CDH13: variants seen among roughly 807,000 people sequenced by gnomAD.
CDH13 encodes the protein cadherin-13.
CDH13 carries 24 observed loss-of-function variants against 63.8 expected under a neutral mutation model. The observed-to-expected ratio is 0.38, with a 90% CI of 0.27 to 0.53. The LOEUF is 0.53. CDH13 is among the 20% of genes least tolerant of loss of function. The probability of loss-of-function intolerance (pLI) is 0.85; values close to 1 mark genes in which losing one functional copy is unlikely to be tolerated. For missense variants in CDH13, 1,049 were observed against 903.1 expected (o/e 1.16, Z -2.07); for synonymous variants, 503 against 355.3 (o/e 1.42, Z -4.67).
intron 4 of CDH13, among the ~76,000 whole-genome samples, chr16:83,153,734 C>A (rs373847016): frequency 2.0e-5 from 3 of 152,124 alleles, no homozygotes; most frequent in East Asian, 1.9e-4. Context: ...AGGAACCAAC[C>A]CTGGCATTAC....
chr16:83,686,899 A>G (rs1904356974), intron 10 of CDH13, among the ~76,000 whole-genome samples: 1 of 152,064 alleles, frequency 6.6e-6, no homozygotes, highest in Admixed American at 6.5e-5. Flanking sequence ...GCATGCACAC[A>G]TTTTTCTGCA....
chr16:82,815,014 T>C (rs1048618514), intron 1 of CDH13, among the ~76,000 whole-genome samples: 1 of 152,180 alleles, frequency 6.6e-6, no homozygotes, highest in Admixed American at 6.5e-5. Context: ...CATTTTGTTT[T>C]TTTTTCTATC....
At chr16:83,153,682 T>C (rs1403102754) in intron 4 of CDH13, among the ~76,000 whole-genome samples, 1 of 152,180 alleles carries the variant, frequency 6.6e-6, no homozygotes, top group African/African-American at 2.4e-5. Context: ...GTTTCAATCC[T>C]ATAAGACCAA....
At chr16:83,688,068 A>T (rs529559919) in intron 10 of CDH13, among the ~76,000 whole-genome samples, 53 of 152,340 alleles carry the variant, frequency 3.5e-4, no homozygotes, top group African/African-American at 1.3e-3. Flanking sequence ...ATGATATTTC[A>T]GCCCCAAAAG....
At chr16:83,267,771 T>A (rs1328290958) in intron 5 of CDH13, among the ~76,000 whole-genome samples, 1 of 152,106 alleles carries the variant, frequency 6.6e-6, no homozygotes, top group Non-Finnish European at 1.5e-5. Context: ...GCCAAATAAT[T>A]TTTTTTCATT....
intron 1 of CDH13, among the ~76,000 whole-genome samples, chr16:82,670,447 A>C (rs556065853): frequency 2.1e-4 from 32 of 152,356 alleles, no homozygotes; most frequent in African/African-American, 7.7e-4. Flanking sequence ...ATCAAAAGCT[A>C]CAGCAATTCT....
At chr16:83,615,485 T>C (rs1428007886) in intron 8 of CDH13, among the ~76,000 whole-genome samples, 3 of 152,182 alleles carry the variant, frequency 2.0e-5, no homozygotes, top group African/African-American at 7.2e-5. Flanking sequence ...TGAGGCTTTT[T>C]ATAGCTATTA....
intron 1 of CDH13, among the ~76,000 whole-genome samples, chr16:82,637,428 C>CTTTTTTGTTT (rs1908793412): frequency 1.2e-5 from 1 of 81,654 alleles, no homozygotes; most frequent in Non-Finnish European, 2.2e-5. Context: ...GTTACTGTGC[C>CTTTTTTGTTT]TTTTTTTTTT....
chr16:82,777,481 G>A (rs1486311752), intron 1 of CDH13, among the ~76,000 whole-genome samples: 3 of 152,168 alleles, frequency 2.0e-5, no homozygotes, highest in Non-Finnish European at 4.4e-5. Context: ...GTGCCCCTGG[G>A]TGGGCCTGAG....
intron 1 of CDH13, among the ~76,000 whole-genome samples, chr16:82,792,923 T>C (rs2036391966): frequency 7.3e-6 from 1 of 137,072 alleles, no homozygotes; most frequent in African/African-American, 2.6e-5. Context: ...ACCCATGGGC[T>C]TGGAGGGACG....
chr16:83,312,199 T>C (rs777662092), intron 5 of CDH13, among the ~76,000 whole-genome samples: 13 of 152,120 alleles, frequency 8.5e-5, no homozygotes, highest in Non-Finnish European at 1.8e-4. Context: ...GTCTGCCCAG[T>C]GCAGACAGAT....
At chr16:83,342,020 C>G (rs1268631989) in intron 5 of CDH13, among the ~76,000 whole-genome samples, 2 of 151,806 alleles carry the variant, frequency 1.3e-5, no homozygotes, top group Non-Finnish European at 2.9e-5. Context: ...CACACACACA[C>G]ACACACACAC....
chr16:82,999,015 C>A (rs1052250792), intron 2 of CDH13, among the ~76,000 whole-genome samples: 1 of 152,090 alleles, frequency 6.6e-6, no homozygotes. Context: ...CAAGAACATC[C>A]CTTCAGACAC....
At chr16:82,731,163 G>T (rs1200414630) in intron 1 of CDH13, among the ~76,000 whole-genome samples, 1 of 152,154 alleles carries the variant, frequency 6.6e-6, no homozygotes, top group Admixed American at 6.6e-5. Flanking sequence ...TCTTGTTTTT[G>T]AACTAGAATG....
At chr16:83,330,860 C>T (rs945341728) in intron 5 of CDH13, among the ~76,000 whole-genome samples, 7 of 152,190 alleles carry the variant, frequency 4.6e-5, no homozygotes, top group African/African-American at 1.4e-4. Context: ...GCATCAGCAA[C>T]ATGCAAAAGA....
At chr16:83,287,519 C>G (rs1310632693) in intron 5 of CDH13, among the ~76,000 whole-genome samples, 2 of 152,154 alleles carry the variant, frequency 1.3e-5, no homozygotes, top group African/African-American at 4.8e-5. Context: ...TTATTGCAAA[C>G]TGTGTGTGCA....
At chr16:83,281,926 A>G (rs1264602169) in intron 5 of CDH13, among the ~76,000 whole-genome samples, 1 of 152,140 alleles carries the variant, frequency 6.6e-6, no homozygotes, top group African/African-American at 2.4e-5. Context: ...ATAAATAAAT[A>G]AATAAAATTT....
chr16:83,783,541 C>A, intron 13 of CDH13, 69 bp downstream of exon 13: 1 of 1,123,794 alleles, frequency 8.9e-7, no homozygotes. Flanking sequence ...GTGAAGCCAG[C>A]ATTTTCCCAT....
At chr16:83,290,631 C>G (rs1371104273) in intron 5 of CDH13, among the ~76,000 whole-genome samples, 1 of 152,116 alleles carries the variant, frequency 6.6e-6, no homozygotes, top group African/African-American at 2.4e-5. Flanking sequence ...AGTGTGAGAA[C>G]AGAGTAATAT....
Sources: allele counts gnomAD v4.1 joint callset (sites outside exome capture counted in the v4.1 genomes callset), GRCh38; gene constraint gnomAD v4.1.1; transcripts MANE v1.5; gene names NCBI Gene and HGNC (gene_info 2026-07-23, HGNC 2026-07-21).